Variants in VCAN observed in about 807,000 individuals in gnomAD.
VCAN encodes the protein versican core protein.
In VCAN, 44 loss-of-function variants were observed where a neutral mutation model predicts 245.5. That is an observed-to-expected ratio of 0.18 (90% CI 0.14 to 0.23). VCAN has a LOEUF of 0.23. VCAN is among the 10% of genes least tolerant of loss of function. The pLI is 1.00. For missense variants in VCAN, 3,793 were observed against 4,057.9 expected (o/e 0.93, Z 1.77); for synonymous variants, 1,413 against 1,437.0 (o/e 0.98, Z 0.38).
chr5:83,581,950 C>A lies in VCAN; in HGVS notation c.*1516C>A, dbSNP rs1195969213. 1.4e-5 allele frequency: 2 copies of A among 144,026 alleles called. No homozygotes were observed. The highest frequency in any genetic ancestry group is 5.2e-5 in the African/African-American group (2 of 38,538). 8.9% of individuals were successfully genotyped at this position (144,026 alleles called of 1,614,324 possible). On this transcript the variant is annotated 3_prime_UTR_variant, in exon 15 of 15. Transcript: ENST00000265077. ...CACATAGAAAAAGAGAAAAAGGGCACAAAGGGATTGGCCCAATATTGATTC... is the reference window on the plus strand; with the variant it reads ...CACATAGAAAAAGAGAAAAAGGGCAAAAAGGGATTGGCCCAATATTGATTC...
intron 5 of VCAN, among the ~76,000 whole-genome samples, chr5:83,508,920 C>A (rs1385297396): frequency 6.6e-6 from 1 of 152,038 alleles, no homozygotes; most frequent in Admixed American, 6.6e-5. Context: ...GAAGCTGAGG[C>A]AAGGAGGATT....
rs539699450 is a variant in VCAN, at chr5:83,537,166, A to G, written c.4163A>G (p.Glu1388Gly). 1.2e-6 allele frequency: 2 copies of G among 1,613,816 alleles called. No homozygotes were observed. Among genetic ancestry groups the G allele is most frequent in the Non-Finnish European group, 1.7e-6 (2 of 1,179,888 alleles). ...GAAATAGACCTATACCACAGTGAAG[A>G]AAATGAAGAAGAAGAAGAAGAGTGT... ...IIEIDLYHSE[E>G]NEEEEEECAN... The change falls in exon 8 of 15, where the codon GAA (glutamate) becomes GGA (glycine). Residue 1388 changes from glutamate to glycine, a missense_variant. Around this residue, in one of 5 missense-constraint regions of VCAN, gnomAD observed 3,182 missense variants for 3,250.3 expected, o/e 0.98. Coordinates refer to ENST00000265077, the MANE Select transcript of VCAN (RefSeq NM_004385.5).
chr5:83,539,987 C>T lies in VCAN; in HGVS notation c.6984C>T (p.Thr2328=), dbSNP rs1297512615. The T allele has an allele frequency of 6.2e-7, 1 of 1,613,996 alleles. No homozygotes were observed. Among genetic ancestry groups the T allele is most frequent in the South Asian group, 1.1e-5 (1 of 91,078 alleles). The change falls in exon 8 of 15, where the codon ACC becomes ACT. Residue 2328 remains threonine, a synonymous_variant. Transcript: ENST00000265077. The part of the protein sequence containing the change: ...TDIFEGSGSV[T]STTLIEILSD... ...TCTTTGAAGGTAGTGGGTCAGTAACCAGCACAACATTAATAGAAATTTTAA... is the reference window on the plus strand; with the variant it reads ...TCTTTGAAGGTAGTGGGTCAGTAACTAGCACAACATTAATAGAAATTTTAA...
intron 11 of VCAN, 65 bp from the exon 12 acceptor site, chr5:83,554,891 T>A: frequency 7.0e-7 from 1 of 1,436,080 alleles, no homozygotes; most frequent in Non-Finnish European, 9.8e-7. Context: ...ATAATTTTCT[T>A]TGATATATTT....
At position 83,519,826 on chromosome 5, in the gene VCAN, A is replaced by G. The variant is rs754919421; in HGVS notation, c.1520A>G (p.His507Arg). ...PLVTSMEILKHIPSKEFPVTE... is the reference protein window; with the variant it reads ...PLVTSMEILKRIPSKEFPVTE... ...GTAACATCTATGGAAATCTTAAAGCACATTCCTTCCAAGGAATTCCCTGTA... is the reference window on the plus strand; with the variant it reads ...GTAACATCTATGGAAATCTTAAAGCGCATTCCTTCCAAGGAATTCCCTGTA... Residue 507 changes from histidine (H) to arginine (R), a missense_variant, in exon 7 of 15, where the codon CAC becomes CGC. Physicochemically the swap from His to Arg is conservative, Grantham distance 29. Around this residue, in one of 5 missense-constraint regions of VCAN, gnomAD observed 3,182 missense variants for 3,250.3 expected, o/e 0.98. Transcript: ENST00000265077. 1 of 1,614,170 alleles carries G rather than the reference A, an allele frequency of 6.2e-7. No individual in the cohort carries two copies. The highest frequency in any genetic ancestry group is 1.1e-5 in the South Asian group (1 of 91,090).
At position 83,539,298 on chromosome 5, in the gene VCAN, T is replaced by C. The variant is rs1746865845; in HGVS notation, c.6295T>C (p.Ser2099Pro). The C allele has an allele frequency of 6.2e-7, 1 of 1,614,004 alleles. No homozygotes were observed. Among genetic ancestry groups the C allele is most frequent in the Non-Finnish European group, 8.5e-7 (1 of 1,179,978 alleles). Residue 2099 changes from serine to proline, a missense_variant, in exon 8 of 15, where the codon TCT becomes CCT. By Grantham distance (74) the Ser-to-Pro change is moderately conservative. This residue lies in a region of VCAN where 3,182 missense variants were observed against 3,250.3 expected (regional missense o/e 0.98). Transcript: ENST00000265077. ...PQTIEPAKLWSRQEVNPVRQE... is the reference protein window; with the variant it reads ...PQTIEPAKLWPRQEVNPVRQE... The stretch of plus-strand genomic sequence containing the variant: ...AACTATAGAGCCAGCCAAATTATGG[T>C]CTAGGCAAGAAGTCAACCCTGTAAG...
chr5:83,577,170 C>G (rs1748516188), intron 13 of VCAN, among the ~76,000 whole-genome samples: 1 of 152,078 alleles, frequency 6.6e-6, no homozygotes, highest in Non-Finnish European at 1.5e-5. Context: ...CCAAATTAAT[C>G]CGCCTGGGGG....
Position 83,537,834 on chromosome 5 carries a change from G to A in VCAN, c.4831G>A (p.Asp1611Asn), listed in dbSNP as rs758837884. The change falls in exon 8 of 15, where the codon GAC becomes AAC. Residue 1611 changes from aspartate (D) to asparagine (N), a missense_variant. Transcript: ENST00000265077. ...CCTAATAGGAAATCCTTGGCCAGAT[G>A]ACCTGTTGTCTACCAAAGAAAGCTG... ...VTLIGNPWPD[D>N]LLSTKESWVE... is the part of the protein sequence containing the mutation. 2 of 1,614,018 alleles carry A rather than the reference G, an allele frequency of 1.2e-6. No individual in the cohort carries two copies. The highest frequency in any genetic ancestry group is 3.3e-5 in the Admixed American group (2 of 59,980).
chr5:83,494,899 G>A (rs1040961626), intron 5 of VCAN, among the ~76,000 whole-genome samples: 4 of 152,170 alleles, frequency 2.6e-5, no homozygotes, highest in African/African-American at 9.7e-5. Flanking sequence ...GATTACATGA[G>A]CCAGGGTGTG....
chr5:83,567,547 G>A lies in VCAN; in HGVS notation c.9736-4869G>A, dbSNP rs555508196. Among the ~76,000 whole-genome samples, 49 of 152,184 alleles carry A rather than the reference G, an allele frequency of 3.2e-4. No individual in the cohort carries two copies. In the East Asian group the frequency reaches 3.9e-3, roughly 12 times the overall value. On this transcript the variant is annotated intron_variant, in intron 12 of 14. Transcript: ENST00000265077. ...GAACTCCTGACCTCGTGATCCACCCGCCTCAGCCTCCCAAAGTGCTGGGAT... is the reference window on the plus strand; with the variant it reads ...GAACTCCTGACCTCGTGATCCACCCACCTCAGCCTCCCAAAGTGCTGGGAT...
At chr5:83,509,753 C>G (rs998661686) in intron 5 of VCAN, among the ~76,000 whole-genome samples, 1 of 152,188 alleles carries the variant, frequency 6.6e-6, no homozygotes, top group South Asian at 2.1e-4. Context: ...TTTCAGGCCT[C>G]AGGCAAGTGT....
At chr5:83,472,679 CTT>C (rs1744238496) in intron 1 of VCAN, among the ~76,000 whole-genome samples, 1 of 152,138 alleles carries the variant, frequency 6.6e-6, no homozygotes, top group East Asian at 1.9e-4. Flanking sequence ...CGCCGTGTCT[CTT>C]TGACGACTTG....
At chr5:83,553,568 C>T (rs914208091) in intron 11 of VCAN, 46 bp downstream of exon 11, 12 of 1,612,416 alleles carry the variant, frequency 7.4e-6, no homozygotes, top group Non-Finnish European at 9.3e-6. Flanking sequence ...CACTTCTCAT[C>T]ACTCTCTTAG....
Position 83,580,110 on chromosome 5 carries a change from C to T in VCAN, c.10011C>T (p.Ile3337=). ...TCATTCAACGTCACCTTCCAACTAT[C>T]CGGTGCTTAGGAAATGGAAGATGGG... is the stretch of plus-strand genomic sequence containing the variant. ...DGFIQRHLPT[I]RCLGNGRWAI... Residue 3337 remains isoleucine (I), a synonymous_variant, in exon 14 of 15, where the codon ATC becomes ATT. Transcript: ENST00000265077. 1 of 1,614,052 alleles carries T rather than the reference C, an allele frequency of 6.2e-7. No individual in the cohort carries two copies.
intron 5 of VCAN, among the ~76,000 whole-genome samples, chr5:83,497,456 T>C (rs1037877621): frequency 6.6e-6 from 1 of 152,214 alleles, no homozygotes; most frequent in Non-Finnish European, 1.5e-5. Context: ...CAATTCTGCT[T>C]TTCAAAATAA....
chr5:83,524,735 C>T (rs1047230414), intron 7 of VCAN, among the ~76,000 whole-genome samples: 1 of 152,064 alleles, frequency 6.6e-6, no homozygotes, highest in South Asian at 2.1e-4. Flanking sequence ...ATTTTATCCT[C>T]CAACATTTTG....
intron 12 of VCAN, among the ~76,000 whole-genome samples, chr5:83,564,888 C>A (rs529283454): frequency 9.2e-5 from 14 of 152,106 alleles, no homozygotes; most frequent in African/African-American, 2.9e-4. Context: ...ATGTGCTTGG[C>A]AAAATTCATA....
chr5:83,551,041 G>C (rs1747446031), intron 10 of VCAN, among the ~76,000 whole-genome samples: 1 of 151,212 alleles, frequency 6.6e-6, no homozygotes, highest in African/African-American at 2.4e-5. Flanking sequence ...CATTTTCCCA[G>C]TTTGGTTTTA....
rs199946638 is a variant in VCAN, at chr5:83,538,406, T to A, written c.5403T>A (p.Asn1801Lys). 7.4e-6 allele frequency: 12 copies of A among 1,613,708 alleles called. No individual in the cohort carries two copies. The highest frequency in any genetic ancestry group is 3.3e-4 in the Middle Eastern group (2 of 6,060). Residue 1801 changes from asparagine to lysine, a missense_variant, in exon 8 of 15, where the codon AAT becomes AAA. Physicochemically the swap from Asn to Lys is moderately conservative, Grantham distance 94. Around this residue, in one of 5 missense-constraint regions of VCAN, gnomAD observed 3,182 missense variants for 3,250.3 expected, o/e 0.98. Transcript: ENST00000265077. ...PVFTETNTLE[N>K]LGAQTTEHSS... is the part of the protein sequence containing the mutation. ...TTACAGAAACAAATACATTAGAAAA[T>A]TTGGGGGCACAGACCACTGAGCACA...
Sources: gnomAD v4.1 joint callset for allele counts (sites outside exome capture counted in the v4.1 genomes callset) on GRCh38, gnomAD v4.1.1 for gene constraint, gnomAD v4.1.1 regional missense constraint, MANE v1.5 for transcripts, NCBI Gene and HGNC (gene_info 2026-07-23, HGNC 2026-07-21) for gene names.